The following EPCIP variants were observed in gnomAD, a reference collection of about 807,000 sequenced individuals.
EPCIP encodes the protein exosomal polycystin 1 interacting protein.
the EPCIP span, among the ~76,000 whole-genome samples, chr21:32,813,156 GAGATATC>G: frequency 6.6e-6 from 1 of 152,132 alleles, no homozygotes; most frequent in African/African-American, 2.4e-5. Flanking sequence ...ATAAGGAAAA[GAGATATC>G]ATATCTCTTT....
chr21:32,791,621 A>C, the EPCIP span: 5 of 151,934 alleles, frequency 3.3e-5, no homozygotes, highest in African/African-American at 1.2e-4. Context: ...TTTTGGCCTA[A>C]TTTAAACACT....
At chr21:32,791,383 A>G in the EPCIP span, 1 of 152,204 alleles carries the variant, frequency 6.6e-6, no homozygotes, top group Non-Finnish European at 1.5e-5. Context: ...TTCTATCATC[A>G]TTTAATTTTA....
the EPCIP span, among the ~76,000 whole-genome samples, chr21:32,792,370 C>T: frequency 6.6e-6 from 1 of 152,064 alleles, no homozygotes; most frequent in African/African-American, 2.4e-5. Flanking sequence ...ATGGATTGAG[C>T]CTTAGATGTT....
the EPCIP span, chr21:32,791,559 A>T: frequency 6.6e-6 from 1 of 151,910 alleles, no homozygotes; most frequent in Non-Finnish European, 1.5e-5. Flanking sequence ...CTGCAGTACA[A>T]TGTCAGTAAT....
the EPCIP span, among the ~76,000 whole-genome samples, chr21:32,809,045 T>G: frequency 6.6e-6 from 1 of 152,034 alleles, no homozygotes; most frequent in African/African-American, 2.4e-5. Flanking sequence ...AGAAGATTCT[T>G]TTTTTGTTTT....
chr21:32,803,799 C>A, the EPCIP span, among the ~76,000 whole-genome samples: 18 of 152,304 alleles, frequency 1.2e-4, no homozygotes, highest in African/African-American at 4.3e-4. Context: ...AGCACATCCT[C>A]ATCCTTGGTA....
At chr21:32,800,947 T>A in the EPCIP span, among the ~76,000 whole-genome samples, 488 of 152,322 alleles carry the variant, frequency 3.2e-3, 6 homozygotes, top group African/African-American at 0.01. Flanking sequence ...CCTAGGTATA[T>A]CAGAGACTTC....
At chr21:32,798,965 AAAAAT>A in the EPCIP span, 1 of 152,160 alleles carries the variant, frequency 6.6e-6, no homozygotes, top group African/African-American at 2.4e-5. Flanking sequence ...TTTGCAACCA[AAAAAT>A]AAAATAATAA....
the EPCIP span, among the ~76,000 whole-genome samples, chr21:32,810,417 G>A: frequency 4.7e-5 from 7 of 149,130 alleles, no homozygotes; most frequent in Admixed American, 6.7e-5. Context: ...CACCATGCCC[G>A]GTAATTTTTT....
At chr21:32,813,400 A>C in the EPCIP span, among the ~76,000 whole-genome samples, 1 of 152,226 alleles carries the variant, frequency 6.6e-6, no homozygotes, top group African/African-American at 2.4e-5. Flanking sequence ...GAAGCCTAAA[A>C]AAGTGTTTCA....
the EPCIP span, chr21:32,797,021 C>G: frequency 2.1e-5 from 10 of 471,028 alleles, no homozygotes; most frequent in South Asian, 1.1e-4. Context: ...ACATGTGGGA[C>G]AAGAAGTTCC....
the EPCIP span, among the ~76,000 whole-genome samples, chr21:32,796,195 A>G: frequency 6.6e-6 from 1 of 152,138 alleles, no homozygotes; most frequent in Non-Finnish European, 1.5e-5. Flanking sequence ...TCTGCTTCCA[A>G]TGGGCTGGGG....
chr21:32,812,703 A>AT, the EPCIP span, among the ~76,000 whole-genome samples: 1 of 151,580 alleles, frequency 6.6e-6, no homozygotes, highest in Non-Finnish European at 1.5e-5. Context: ...TTTTTTTGGT[A>AT]TTTTTTAAGG....
At chr21:32,801,942 G>A in the EPCIP span, among the ~76,000 whole-genome samples, 1 of 152,212 alleles carries the variant, frequency 6.6e-6, no homozygotes, top group East Asian at 1.9e-4. Flanking sequence ...AAGAGGTTCG[G>A]GTTAGGAAGG....
chr21:32,811,391 C>G, the EPCIP span, among the ~76,000 whole-genome samples: 1 of 152,186 alleles, frequency 6.6e-6, no homozygotes, highest in African/African-American at 2.4e-5. Context: ...CACAGCCTCT[C>G]AAAGTGCTGG....
the EPCIP span, chr21:32,797,167 G>A: frequency 6.3e-6 from 2 of 319,604 alleles, no homozygotes; most frequent in Admixed American, 4.6e-5. Flanking sequence ...CACTAAGAGG[G>A]CACCAAGTGG....
At chr21:32,795,872 G>A in the EPCIP span, among the ~76,000 whole-genome samples, 1 of 152,316 alleles carries the variant, frequency 6.6e-6, no homozygotes, top group Middle Eastern at 3.4e-3. Flanking sequence ...GCGTAAACTT[G>A]AACAGAGGGT....
the EPCIP span, among the ~76,000 whole-genome samples, chr21:32,808,723 TATA>T: frequency 1.3e-5 from 2 of 152,238 alleles, no homozygotes; most frequent in Admixed American, 6.5e-5. Flanking sequence ...GACTTTATTT[TATA>T]ATAATAATGT....
chr21:32,791,810 T>C, the EPCIP span, among the ~76,000 whole-genome samples: 1 of 152,238 alleles, frequency 6.6e-6, no homozygotes, highest in Non-Finnish European at 1.5e-5. Context: ...GGACTATTTC[T>C]TATCATTATG....
Sources: allele counts gnomAD v4.1 joint callset (sites outside exome capture counted in the v4.1 genomes callset), GRCh38; gene constraint gnomAD v4.1.1; transcripts MANE v1.5; gene names NCBI Gene and HGNC (gene_info 2026-07-23, HGNC 2026-07-21).